TMEM74: variants seen among roughly 807,000 people sequenced by gnomAD.
TMEM74 encodes the protein transmembrane protein 74.
In TMEM74, 13 loss-of-function variants were observed where a neutral mutation model predicts 18.1. That is an observed-to-expected ratio of 0.72 (90% confidence interval 0.47 to 1.14). TMEM74 has a LOEUF of 1.14. Ranked by LOEUF, TMEM74 falls within the 50% of genes most tolerant of loss-of-function variation. The pLI, the probability that TMEM74 is intolerant of heterozygous loss-of-function variation, is 0.00. For synonymous variants in TMEM74, 159 were observed against 146.6 expected (o/e 1.08, Z -0.61); for missense variants, 372 against 375.9 (o/e 0.99, Z 0.09).
chr8:108,650,354 A>C (rs989089243), intron 2 of TMEM74, among the ~76,000 whole-genome samples: 1 of 152,146 alleles, frequency 6.6e-6, no homozygotes, highest in Non-Finnish European at 1.5e-5. Flanking sequence ...TATTCTCAAC[A>C]CAGTATCTGG....
At chr8:108,727,379 T>C (rs1813649586) in intron 1 of TMEM74, among the ~76,000 whole-genome samples, 1 of 152,164 alleles carries the variant, frequency 6.6e-6, no homozygotes, top group Non-Finnish European at 1.5e-5. Flanking sequence ...AGGACAACAG[T>C]ACAGATGATG....
intron 1 of TMEM74, among the ~76,000 whole-genome samples, chr8:108,685,199 T>C (rs766849568): frequency 1.3e-5 from 2 of 152,128 alleles, no homozygotes; most frequent in African/African-American, 2.4e-5. Context: ...TTCATAGCTA[T>C]TGTAAATGAG....
At chr8:108,672,597 AACTC>A (rs1813014572) in intron 1 of TMEM74, among the ~76,000 whole-genome samples, 1 of 152,094 alleles carries the variant, frequency 6.6e-6, no homozygotes, top group African/African-American at 2.4e-5. Context: ...TTCTGTGTGA[AACTC>A]ACTCAGGATG....
chr8:108,645,508 G>A (rs1212047842), intron 2 of TMEM74, among the ~76,000 whole-genome samples: 1 of 152,094 alleles, frequency 6.6e-6, no homozygotes, highest in African/African-American at 2.4e-5. Flanking sequence ...AGAAATTTTG[G>A]TTGTGCTAGA....
chr8:108,734,744 C>G (rs1396720180), intron 1 of TMEM74, among the ~76,000 whole-genome samples: 3 of 152,088 alleles, frequency 2.0e-5, no homozygotes. Flanking sequence ...CACAAAATGC[C>G]TTAGGTTCAT....
At chr8:108,776,420 G>C (rs1210335528), downstream of TMEM74, among the ~76,000 whole-genome samples, 1 of 152,212 alleles carries the variant, frequency 6.6e-6, no homozygotes, top group Non-Finnish European at 1.5e-5. Context: ...TTGAACCCAA[G>C]AGGCTGAGGT....
At chr8:108,682,723 A>G (rs1813127942) in intron 1 of TMEM74, among the ~76,000 whole-genome samples, 1 of 152,038 alleles carries the variant, frequency 6.6e-6, no homozygotes, top group African/African-American at 2.4e-5. Context: ...ATGATTGCTT[A>G]AAAGCTTACA....
At chr8:108,688,211 C>T (rs1813191191) in intron 1 of TMEM74, among the ~76,000 whole-genome samples, 1 of 152,172 alleles carries the variant, frequency 6.6e-6, no homozygotes, top group African/African-American at 2.4e-5. Context: ...TTTAACCTGG[C>T]TCTACATTTC....
chr8:108,752,272 T>G (rs1180775805), intron 1 of TMEM74, among the ~76,000 whole-genome samples: 1 of 152,084 alleles, frequency 6.6e-6, no homozygotes, highest in Non-Finnish European at 1.5e-5. Flanking sequence ...GCTTTTCTCA[T>G]CTCTAAGATA....
At chr8:108,673,268 T>C (rs985046512) in intron 1 of TMEM74, among the ~76,000 whole-genome samples, 2 of 152,212 alleles carry the variant, frequency 1.3e-5, no homozygotes, top group Non-Finnish European at 2.9e-5. Context: ...GGTAAGATTC[T>C]TCTGTGGTAG....
intron 1 of TMEM74, among the ~76,000 whole-genome samples, chr8:108,697,656 A>T (rs77289272): frequency 0.029 from 4,463 of 152,142 alleles, 121 homozygotes; most frequent in African/African-American, 0.066. Context: ...GCCTCAAGAG[A>T]TCCTTTCAAA....
At chr8:108,663,377 G>T (rs1812919240) in intron 1 of TMEM74, among the ~76,000 whole-genome samples, 1 of 152,118 alleles carries the variant, frequency 6.6e-6, no homozygotes. Flanking sequence ...CAACATCACT[G>T]ATTTAGAGAA....
chr8:108,649,764 T>G (rs1333627766), intron 2 of TMEM74, among the ~76,000 whole-genome samples: 1 of 152,148 alleles, frequency 6.6e-6, no homozygotes. Context: ...AGTTACACAG[T>G]CTTACTTCTG....
At chr8:108,616,792 G>T (rs887451866) in intron 2 of TMEM74, among the ~76,000 whole-genome samples, 3 of 151,982 alleles carry the variant, frequency 2.0e-5, no homozygotes. Flanking sequence ...CATAGTTGTT[G>T]CTCTATGATG....
At chr8:108,718,027 C>T (rs1397129819) in intron 1 of TMEM74, among the ~76,000 whole-genome samples, 3 of 59,818 alleles carry the variant, frequency 5.0e-5, no homozygotes, top group African/African-American at 2.0e-4. Flanking sequence ...GGCGGGATCT[C>T]GGCTCACTGC....
At chr8:108,650,926 G>C (rs984509453) in intron 2 of TMEM74, among the ~76,000 whole-genome samples, 7 of 152,028 alleles carry the variant, frequency 4.6e-5, no homozygotes, top group African/African-American at 1.7e-4. Context: ...AGCCAGGCTG[G>C]TCTCAAACTC....
At chr8:108,731,551 T>C (rs1424810112) in intron 1 of TMEM74, among the ~76,000 whole-genome samples, 1 of 152,148 alleles carries the variant, frequency 6.6e-6, no homozygotes, top group East Asian at 1.9e-4. Flanking sequence ...ACTAAATTAC[T>C]GGGAGGATTA....
chr8:108,676,880 G>A (rs1813061039), intron 1 of TMEM74, among the ~76,000 whole-genome samples: 2 of 152,200 alleles, frequency 1.3e-5, no homozygotes, highest in South Asian at 2.1e-4. Flanking sequence ...GCACAAAACA[G>A]TTGTTGAATA....
intron 1 of TMEM74, among the ~76,000 whole-genome samples, chr8:108,655,643 A>G (rs1184615134): frequency 6.6e-6 from 1 of 152,092 alleles, no homozygotes; most frequent in Non-Finnish European, 1.5e-5. Context: ...TTCCAGGAGA[A>G]TTTCTTCTTG....
Sources: gnomAD v4.1 joint callset for allele counts (sites outside exome capture counted in the v4.1 genomes callset) on GRCh38, gnomAD v4.1.1 for gene constraint, MANE v1.5 for transcripts, NCBI Gene and HGNC (gene_info 2026-07-23, HGNC 2026-07-21) for gene names.